Variants in SIRT4 observed in about 807,000 individuals in gnomAD.
SIRT4 encodes the protein NAD-dependent protein lipoamidase sirtuin-4, mitochondrial.
SIRT4 carries 23 observed loss-of-function variants against 26.1 expected under a neutral mutation model. That is an observed-to-expected ratio of 0.88 (90% CI 0.63 to 1.25). SIRT4 has a LOEUF of 1.25. Ranked by LOEUF, SIRT4 falls within the 50% of genes most tolerant of loss-of-function variation. The pLI, the probability that SIRT4 is intolerant of heterozygous loss-of-function variation, is 0.00. For missense variants in SIRT4, 361 were observed against 405.4 expected, an observed-to-expected ratio of 0.89 and a Z score of 0.94; for synonymous variants, 155 against 158.4, an observed-to-expected ratio of 0.98 and a Z score of 0.16.
the SIRT4 span, among the ~76,000 whole-genome samples, chr12:120,295,979 A>T: frequency 8.2e-5 from 11 of 134,168 alleles, no homozygotes; most frequent in African/African-American, 1.2e-4. Flanking sequence ...CCCAGCTACT[A>T]GGGGGGCTGA....
the SIRT4 span, chr12:120,291,907 A>AG: frequency 6.6e-6 from 1 of 152,064 alleles, no homozygotes; most frequent in South Asian, 2.1e-4. Flanking sequence ...CAAAGCTGGA[A>AG]AGGTTCTGTT....
chr12:120,312,175 C>T (rs781127148), intron 2 of SIRT4, among the ~76,000 whole-genome samples: 1 of 152,052 alleles, frequency 6.6e-6, no homozygotes, highest in Non-Finnish European at 1.5e-5. Flanking sequence ...GCAGTCCCTG[C>T]CACTCAGGAG....
chr12:120,312,386 A>T, intron 2 of SIRT4, 70 bp from the exon 3 acceptor site: 2 of 1,447,976 alleles, frequency 1.4e-6, no homozygotes, highest in Non-Finnish European at 1.9e-6. Flanking sequence ...ATGGTTGGAG[A>T]TGAAACGTCT....
the SIRT4 span, among the ~76,000 whole-genome samples, chr12:120,296,296 C>A: frequency 6.6e-6 from 1 of 151,240 alleles, no homozygotes; most frequent in African/African-American, 2.4e-5. Context: ...CGGCTCACTG[C>A]GAGCTCCGCC....
chr12:120,309,700 A>G (rs1592900787), intron 2 of SIRT4, among the ~76,000 whole-genome samples: 1 of 145,604 alleles, frequency 6.9e-6, no homozygotes, highest in African/African-American at 2.6e-5. Flanking sequence ...GGCATGAGCC[A>G]CTGTGCCCGC....
intron 2 of SIRT4, among the ~76,000 whole-genome samples, chr12:120,305,189 G>A (rs1259655727): frequency 6.6e-6 from 1 of 151,436 alleles, no homozygotes; most frequent in Non-Finnish European, 1.5e-5. Context: ...AAAAAAGAAA[G>A]TTGAGCAAGC....
chr12:120,299,775 T>C (rs892133345), upstream of SIRT4, among the ~76,000 whole-genome samples: 5 of 152,164 alleles, frequency 3.3e-5, no homozygotes, highest in African/African-American at 1.2e-4. Context: ...AGAGTATATC[T>C]GGTTATGGAT....
chr12:120,298,045 G>A (rs1872395387), upstream of SIRT4, among the ~76,000 whole-genome samples: 1 of 151,554 alleles, frequency 6.6e-6, no homozygotes, highest in African/African-American at 2.4e-5. Context: ...AAAAAAAAGG[G>A]GGTGGCCGGG....
At chr12:120,301,362 CAA>C, upstream of SIRT4, among the ~76,000 whole-genome samples, 2 of 25,826 alleles carry the variant, frequency 7.7e-5, 1 homozygote, top group East Asian at 9.1e-3. Flanking sequence ...AACAAACAAA[CAA>C]CAACAACAAC....
chr12:120,295,168 G>C, the SIRT4 span, among the ~76,000 whole-genome samples: 1 of 149,840 alleles, frequency 6.7e-6, no homozygotes, highest in African/African-American at 2.4e-5. Context: ...TTGTCTATGG[G>C]AATAATGCTG....
chr12:120,297,449 T>A (rs1872372776), upstream of SIRT4, among the ~76,000 whole-genome samples: 1 of 149,890 alleles, frequency 6.7e-6, no homozygotes, highest in Non-Finnish European at 1.5e-5. Flanking sequence ...ACTCTCTCAG[T>A]AGCTATCAAG....
chr12:120,292,136 C>G, the SIRT4 span, among the ~76,000 whole-genome samples: 1 of 152,302 alleles, frequency 6.6e-6, no homozygotes, highest in Admixed American at 6.5e-5. Flanking sequence ...TGCAAATCAA[C>G]GTGACGTCAC....
chr12:120,293,288 C>A, the SIRT4 span: 1 of 152,174 alleles, frequency 6.6e-6, no homozygotes, highest in African/African-American at 2.4e-5. Context: ...CTTCCTATTT[C>A]GCAAAGGTGA....
chr12:120,307,438 A>G (rs1473705812), intron 2 of SIRT4, among the ~76,000 whole-genome samples: 1 of 151,924 alleles, frequency 6.6e-6, no homozygotes, highest in East Asian at 1.9e-4. Flanking sequence ...GCAGTGAGCC[A>G]AGATCGTGCC....
upstream of SIRT4, among the ~76,000 whole-genome samples, chr12:120,297,682 A>C (rs74585177): frequency 0.01 from 1,559 of 152,242 alleles, 24 homozygotes; most frequent in African/African-American, 0.034. Context: ...GGGGGCCTAG[A>C]AGCACAATAG....
intron 2 of SIRT4, among the ~76,000 whole-genome samples, chr12:120,309,173 ACT>A (rs1439127791): frequency 6.6e-6 from 1 of 151,938 alleles, no homozygotes; most frequent in Non-Finnish European, 1.5e-5. Context: ...CAAGAGTGAA[ACT>A]CTGTCTCAAA....
At chr12:120,304,210 G>GA in intron 2 of SIRT4, 152 bp downstream of exon 2, 1 of 1,044,494 alleles carries the variant, frequency 9.6e-7, no homozygotes, top group Non-Finnish European at 1.3e-6. Flanking sequence ...TAAATTCATT[G>GA]ACGGAGCAAG....
chr12:120,302,963 T>C (rs1353970409), intron 1 of SIRT4, among the ~76,000 whole-genome samples: 1 of 151,290 alleles, frequency 6.6e-6, no homozygotes, highest in Non-Finnish European at 1.5e-5. Context: ...TCTCAAGTGA[T>C]CTGCCTGCGT....
intron 2 of SIRT4, among the ~76,000 whole-genome samples, chr12:120,312,226 T>C (rs1873006649): frequency 6.6e-6 from 1 of 152,018 alleles, no homozygotes; most frequent in Non-Finnish European, 1.5e-5. Context: ...AGGTTGAGGC[T>C]GCAGTGAGCT....
Sources: allele counts gnomAD v4.1 joint callset (sites outside exome capture counted in the v4.1 genomes callset), GRCh38; gene constraint gnomAD v4.1.1; transcripts MANE v1.5; gene names NCBI Gene and HGNC (gene_info 2026-07-23, HGNC 2026-07-21).